RESP18: variants seen among roughly 807,000 people sequenced by gnomAD.
RESP18 encodes regulated endocrine-specific protein 18.
RESP18 carries 30 observed loss-of-function variants against 30.0 expected under a neutral mutation model. The ratio of observed to expected loss-of-function variants is 1.00; its 90% CI spans 0.75 to 1.36. The LOEUF (loss-of-function observed/expected upper bound fraction) is 1.36. Ranked by LOEUF, RESP18 falls within the 40% of genes most tolerant of loss-of-function variation. The pLI is 0.00. For missense variants in RESP18, 320 were observed against 284.2 expected (o/e 1.13, Z -0.91); for synonymous variants, 117 against 111.2 (o/e 1.05, Z -0.33).
chr2:219,331,991 T>G (rs1039777985), intron 2 of RESP18, among the ~76,000 whole-genome samples: 1 of 152,184 alleles, frequency 6.6e-6, no homozygotes, highest in Non-Finnish European at 1.5e-5. Context: ...GCAGGAGTTC[T>G]CGAGTGTGCG....
Position 219,329,192 on chromosome 2 carries a change from G to A in RESP18, c.526C>T (p.Leu176=), listed in dbSNP as rs773678264. 1.4e-5 allele frequency: 21 copies of A among 1,551,694 alleles called. No homozygotes were observed. In the South Asian group the frequency reaches 2.5e-4, roughly 18 times the overall value. ...ACAGGGTTGGCCACCTCTTGTTTCA[G>A]GGCCTTAGAAACCACTTCGGAGGTA... Residue 176 remains leucine (L), a synonymous_variant, in exon 5 of 7, where the codon CTG becomes TTG. Transcript: ENST00000333527.
chr2:219,332,006 C>G (rs535889146), intron 2 of RESP18, among the ~76,000 whole-genome samples: 11 of 152,332 alleles, frequency 7.2e-5, no homozygotes, highest in African/African-American at 2.6e-4. Flanking sequence ...TGTGCGCAGT[C>G]TGGCACGTGA....
intron 3 of RESP18, 125 bp downstream of exon 2, chr2:219,330,646 A>G (rs1041199482): frequency 3.2e-6 from 2 of 626,014 alleles, no homozygotes; most frequent in African/African-American, 4.7e-5. Context: ...ATGGGGGTAA[A>G]TGTGACAAAG....
chr2:219,332,723 G>A lies in RESP18; in HGVS notation c.33C>T (p.Gly11=), dbSNP rs1009705902. ...TGAGCGGGGCTGCAGCTTCCCACCA[G>A]CCCGCGACTCCGAATCTGTTTAACC... Residue 11 remains glycine (G), a synonymous_variant, in exon 2 of 7, where the codon GGC becomes GGT. Coordinates refer to ENST00000333527, the MANE Select transcript of RESP18 (RefSeq NM_001007089.4). 1.3e-6 allele frequency: 2 copies of A among 1,540,038 alleles called. No homozygotes were observed. Among genetic ancestry groups the A allele is most frequent in the Non-Finnish European group, 1.8e-6 (2 of 1,139,118 alleles).
At chr2:219,329,361 A>G (rs990240410) in intron 4 of RESP18, 109 bp from the exon 4 acceptor site, 72 of 1,551,644 alleles carry the variant, frequency 4.6e-5, no homozygotes, top group Non-Finnish European at 6.2e-5. Flanking sequence ...TTGAGAAGAT[A>G]CGTGAGTCTC....
intron 6 of RESP18, among the ~76,000 whole-genome samples, 198 bp downstream of exon 5, chr2:219,328,724 CAG>C (rs964635760): frequency 2.0e-5 from 3 of 152,164 alleles, no homozygotes; most frequent in Non-Finnish European, 4.4e-5. Context: ...GGAGATGTCT[CAG>C]AGCCTTGCCT....
In RESP18 at chr2:219,329,704, C is replaced by T. The variant is rs1320218183; in HGVS notation, c.398G>A (p.Ser133Asn). Reference sequence around the variant, plus strand: ...GCATGGTTCTTGGGGATGCAGTCTGCTGGCATGCTCCATCTTTTGGATCAT... The same window carrying T: ...GCATGGTTCTTGGGGATGCAGTCTGTTGGCATGCTCCATCTTTTGGATCAT... The change falls in exon 4 of 7, where the codon AGC (serine) becomes AAC (asparagine). Residue 133 changes from serine (S) to asparagine (N), a missense_variant. Physicochemically the swap from Ser to Asn is conservative, Grantham distance 46. Transcript: ENST00000333527. 3.9e-6 allele frequency: 6 copies of T among 1,551,628 alleles called. No individual in the cohort carries two copies. The highest frequency in any genetic ancestry group is 1.4e-5 in the African/African-American group (1 of 73,150).
At chr2:219,332,497 C>T in intron 2 of RESP18, 27 bp downstream of exon 1, 6 of 1,530,950 alleles carry the variant, frequency 3.9e-6, no homozygotes, top group Non-Finnish European at 5.3e-6. Context: ...CTTGGCCCTG[C>T]CCGCACCCCC....
At chr2:219,330,250 TA>T (rs1221525708) in intron 3 of RESP18, among the ~76,000 whole-genome samples, 2 of 152,216 alleles carry the variant, frequency 1.3e-5, no homozygotes, top group East Asian at 1.9e-4. Context: ...ATATTAGTGT[TA>T]GCAGCAGTAA....
chr2:219,329,831 G>A, intron 3 of RESP18, 67 bp from the exon 3 acceptor site: 1 of 1,466,666 alleles, frequency 6.8e-7, no homozygotes, highest in Non-Finnish European at 9.3e-7. Flanking sequence ...AGGGATCAGA[G>A]TAACCTTTCT....
At chr2:219,331,183 C>CAGGTGGGT (rs145701804) in intron 2 of RESP18, 5,702 of 238,704 alleles carry the variant, frequency 0.024, 321 homozygotes, top group African/African-American at 0.12. Context: ...GAATAGTAAT[C>CAGGTGGGT]AGGTGGGTAG....
rs1216728494 is a variant in RESP18, at chr2:219,332,523, C to CTAGTGGCACTAGTTCCT, written c.232_232+1insAGGAACTAGTGCCACTA (p.Asp78GlufsTer12). The stretch of plus-strand genomic sequence containing the variant: ...CCGCACCCCCCAGGGTTCCTCCTGA[C>CTAGTGGCACTAGTTCCT]CGTGGGCACTAGTGTCGCTGCAGCC... On this transcript the variant is annotated frameshift_variant and splice_region_variant. Transcript: ENST00000333527. LOFTEE classifies it high-confidence loss of function. 6.5e-7 allele frequency: 1 copy of CTAGTGGCACTAGTTCCT among 1,550,122 alleles called. No homozygotes were observed. The highest frequency in any genetic ancestry group is 1.4e-5 in the African/African-American group (1 of 72,990).
At chr2:219,327,820 C>A in intron 6 of RESP18, among the ~76,000 whole-genome samples, 1 of 152,234 alleles carries the variant, frequency 6.6e-6, no homozygotes. Context: ...ACCAGGGCAA[C>A]CAGTCCCCCA....
chr2:219,329,231 T>C lies in RESP18; in HGVS notation c.487A>G (p.Arg163Gly), dbSNP rs1952804936. Residue 163 changes from arginine to glycine, a missense_variant, in exon 5 of 7, where the codon AGG becomes GGG. Arg to Gly is a moderately radical substitution (Grantham distance 125). Transcript: ENST00000333527. ...ACTTCGGAGGTAAAGCACTGATCCC[T>C]GTTCACCTTGGCCAGGGGGCTCTGT... The C allele has an allele frequency of 6.4e-7, 1 of 1,551,714 alleles. No homozygotes were observed. The highest frequency in any genetic ancestry group is 2.4e-5 in the East Asian group (1 of 40,918).
rs1952842086 is a variant in RESP18, at chr2:219,332,526, T to TG, written c.229dup (p.His77ProfsTer43). ...CACCCCCCAGGGTTCCTCCTGACCG[T>TG]GGGCACTAGTGTCGCTGCAGCCCCC... On this transcript the variant is annotated frameshift_variant, in exon 2 of 7. Coordinates refer to ENST00000333527, the MANE Select transcript of RESP18 (RefSeq NM_001007089.4). LOFTEE classifies it high-confidence loss of function. 1 of 1,550,262 alleles carries TG rather than the reference T, an allele frequency of 6.5e-7. No homozygotes were observed. Among genetic ancestry groups the TG allele is most frequent in the Admixed American group, 2.0e-5 (1 of 50,942 alleles).
rs751065232 is a variant in RESP18 at position 219,332,542 on chromosome 2, T to A, written c.214A>T (p.Ser72Cys). ...TCCTGACCGTGGGCACTAGTGTCGCTGCAGCCCCCCGGGCAGCTGTTCAGC... is the reference window on the plus strand; with the variant it reads ...TCCTGACCGTGGGCACTAGTGTCGCAGCAGCCCCCCGGGCAGCTGTTCAGC... Residue 72 changes from serine (S) to cysteine (C), a missense_variant, in exon 2 of 7, where the codon AGC (serine) becomes TGC (cysteine). By Grantham distance (112) the Ser-to-Cys change is moderately radical. Coordinates refer to ENST00000333527, the MANE Select transcript of RESP18 (RefSeq NM_001007089.4). 6.4e-7 allele frequency: 1 copy of A among 1,551,066 alleles called. No individual in the cohort carries two copies. The highest frequency in any genetic ancestry group is 8.7e-7 in the Non-Finnish European group (1 of 1,146,936).
chr2:219,330,418 A>G (rs1952817588), intron 3 of RESP18, among the ~76,000 whole-genome samples: 1 of 152,116 alleles, frequency 6.6e-6, no homozygotes, highest in South Asian at 2.1e-4. Context: ...CAGAGGCTGA[A>G]GTGTGTGTTT....
At chr2:219,329,848 T>C in intron 3 of RESP18, 84 bp from the exon 3 acceptor site, 1 of 1,329,716 alleles carries the variant, frequency 7.5e-7, no homozygotes, top group South Asian at 1.4e-5. Context: ...TTCTCTCAAG[T>C]ATATATTAGA....
At chr2:219,330,622 C>T in intron 3 of RESP18, 149 bp downstream of exon 2, 1 of 519,884 alleles carries the variant, frequency 1.9e-6, no homozygotes, top group Admixed American at 3.2e-5. Flanking sequence ...CACTCCTACT[C>T]CTGTCTCATC....
Sources: allele counts gnomAD v4.1 joint callset (sites outside exome capture counted in the v4.1 genomes callset), GRCh38; gene constraint gnomAD v4.1.1; transcripts MANE v1.5; gene names NCBI Gene and HGNC (gene_info 2026-07-23, HGNC 2026-07-21).